Variants in LRP1B observed in about 807,000 individuals in gnomAD.
LRP1B encodes the protein LDL receptor related protein 1B, also known as low-density lipoprotein receptor-related protein 1B.
A neutral mutation model predicts 556.6 loss-of-function variants in LRP1B; 217 were observed. That is an observed-to-expected ratio of 0.39 (90% CI 0.35 to 0.44). The LOEUF (loss-of-function observed/expected upper bound fraction) is 0.44. Among genes scored for constraint, LRP1B ranks in the 20% least tolerant of loss-of-function variants. The pLI, the probability that LRP1B is intolerant of heterozygous loss-of-function variation, is 1.00. For missense variants in LRP1B, 5,053 were observed against 5,620.8 expected (o/e 0.90, Z 3.23); for synonymous variants, 2,047 against 1,865.8 (o/e 1.10, Z -2.50).
chr2:141,816,713 C>T (rs143414509), intron 1 of LRP1B, among the ~76,000 whole-genome samples: 260 of 152,122 alleles, frequency 1.7e-3, no homozygotes, highest in Middle Eastern at 3.4e-3. Context: ...TTAGAGAAAC[C>T]TGACAAATAC....
chr2:141,205,528 T>G (rs1021939908), intron 6 of LRP1B, among the ~76,000 whole-genome samples: 7 of 152,180 alleles, frequency 4.6e-5, no homozygotes, highest in African/African-American at 9.7e-5. Context: ...TCAATAAAAT[T>G]TTTTTCACAA....
chr2:141,801,911 G>A (rs1446025603), intron 2 of LRP1B, among the ~76,000 whole-genome samples: 1 of 152,076 alleles, frequency 6.6e-6, no homozygotes, highest in Non-Finnish European at 1.5e-5. Flanking sequence ...ATAGTAAGAT[G>A]TGGAATTTGT....
intron 3 of LRP1B, among the ~76,000 whole-genome samples, chr2:141,479,359 T>G (rs1682830793): frequency 2.0e-5 from 3 of 152,196 alleles, no homozygotes; most frequent in African/African-American, 4.8e-5. Flanking sequence ...TTGAGCACTT[T>G]AAACGTATAC....
chr2:140,492,666 T>G lies in LRP1B; in HGVS notation c.9062A>C (p.Asp3021Ala), dbSNP rs1220048829. The stretch of plus-strand genomic sequence containing the variant: ...GCTAATTTTCCTTATCTCATGATGA[T>G]CAGCAAGAATTAAAAAAGGTTCTTC... ...SDEEPFLILADHHEIRKISTD... is the reference protein window; with the variant it reads ...SDEEPFLILAAHHEIRKISTD... The change falls in exon 57 of 91, where the codon GAT becomes GCT. Residue 3021 changes from aspartate (D) to alanine (A), a missense_variant. Transcript: ENST00000389484. The G allele has an allele frequency of 6.2e-7, 1 of 1,613,284 alleles. No homozygotes were observed. The highest frequency in any genetic ancestry group is 2.2e-5 in the East Asian group (1 of 44,854).
intron 13 of LRP1B, among the ~76,000 whole-genome samples, chr2:141,015,125 C>T (rs371842168): frequency 1.3e-5 from 2 of 151,972 alleles, no homozygotes; most frequent in South Asian, 4.1e-4. Context: ...GTCAACTATG[C>T]CTCTGTCTCA....
At chr2:140,740,707 G>A (rs1203362646) in intron 35 of LRP1B, among the ~76,000 whole-genome samples, 1 of 152,156 alleles carries the variant, frequency 6.6e-6, no homozygotes, top group Non-Finnish European at 1.5e-5. Flanking sequence ...ACAAGTTTGA[G>A]ATCAAGGTGT....
At chr2:140,691,968 C>G (rs1686258985) in intron 41 of LRP1B, among the ~76,000 whole-genome samples, 1 of 152,042 alleles carries the variant, frequency 6.6e-6, no homozygotes, top group Admixed American at 6.6e-5. Context: ...ATAGTTCTCT[C>G]AATACCATTT....
chr2:140,419,540 A>G (rs923597271), intron 66 of LRP1B, among the ~76,000 whole-genome samples: 8 of 152,236 alleles, frequency 5.3e-5, no homozygotes, highest in Admixed American at 1.3e-4. Context: ...AAATAGGCCA[A>G]ATTCTAGAGA....
At chr2:141,537,464 G>A (rs1685105487) in intron 2 of LRP1B, among the ~76,000 whole-genome samples, 1 of 151,920 alleles carries the variant, frequency 6.6e-6, no homozygotes, top group African/African-American at 2.4e-5. Flanking sequence ...ACTTTAAAAA[G>A]GAAAAATGGT....
chr2:141,844,783 T>C (rs900755383), intron 1 of LRP1B, among the ~76,000 whole-genome samples: 2 of 151,764 alleles, frequency 1.3e-5, no homozygotes, highest in African/African-American at 4.9e-5. Flanking sequence ...AACATCATGA[T>C]TTAAGGTGCT....
chr2:141,678,888 C>T (rs558588789), intron 2 of LRP1B, among the ~76,000 whole-genome samples: 8 of 152,210 alleles, frequency 5.3e-5, no homozygotes, highest in African/African-American at 1.9e-4. Context: ...TCCTATGAAA[C>T]TCCAGCCCCT....
chr2:142,071,246 C>T (rs1705299724), intron 1 of LRP1B, among the ~76,000 whole-genome samples: 1 of 151,940 alleles, frequency 6.6e-6, no homozygotes, highest in Admixed American at 6.6e-5. Context: ...GCAGCTACTA[C>T]AAAAGTCAGG....
At chr2:142,094,941 A>G (rs1205177844) in intron 1 of LRP1B, among the ~76,000 whole-genome samples, 2 of 151,876 alleles carry the variant, frequency 1.3e-5, no homozygotes, top group Admixed American at 6.6e-5. Flanking sequence ...GATGCCATGT[A>G]TCTTCCATCT....
intron 43 of LRP1B, among the ~76,000 whole-genome samples, chr2:140,578,715 A>G (rs1681634728): frequency 8.4e-6 from 1 of 119,290 alleles, no homozygotes; most frequent in Non-Finnish European, 1.8e-5. Context: ...CGTAGTGCAC[A>G]TGTACCCTAA....
At chr2:141,062,359 TC>T in intron 7 of LRP1B, 86 bp from the exon 8 acceptor site, 2 of 788,992 alleles carry the variant, frequency 2.5e-6, no homozygotes, top group South Asian at 3.5e-5. Flanking sequence ...CAGAACTTTT[TC>T]TTCTAATTTA....
intron 23 of LRP1B, among the ~76,000 whole-genome samples, chr2:140,897,209 A>G (rs1053478690): frequency 6.6e-6 from 1 of 152,220 alleles, no homozygotes; most frequent in Non-Finnish European, 1.5e-5. Flanking sequence ...GAGAAATCAT[A>G]TGGTACTGCT....
chr2:140,940,896 A>AAGT (rs1006823713), intron 20 of LRP1B, among the ~76,000 whole-genome samples: 1 of 152,092 alleles, frequency 6.6e-6, no homozygotes, highest in Non-Finnish European at 1.5e-5. Context: ...AACAGTCTAA[A>AAGT]AGTGTTCCTA....
At chr2:141,840,257 C>CTTTTTTTTT (rs565362139) in intron 1 of LRP1B, among the ~76,000 whole-genome samples, 3 of 84,230 alleles carry the variant, frequency 3.6e-5, no homozygotes, top group Non-Finnish European at 6.5e-5. Context: ...AACAAATTTC[C>CTTTTTTTTT]TTTTTTTTTT....
chr2:141,960,663 A>G (rs1377208588), intron 1 of LRP1B, among the ~76,000 whole-genome samples: 1 of 151,870 alleles, frequency 6.6e-6, no homozygotes, highest in Non-Finnish European at 1.5e-5. Flanking sequence ...CTTCCTATTC[A>G]TTTGATAGAC....
Sources: gnomAD v4.1 joint callset for allele counts (sites outside exome capture counted in the v4.1 genomes callset) on GRCh38, gnomAD v4.1.1 for gene constraint, MANE v1.5 for transcripts, NCBI Gene and HGNC (gene_info 2026-07-23, HGNC 2026-07-21) for gene names.